Variants in TDRD9 observed in about 807,000 individuals in gnomAD.
The protein encoded by TDRD9 is ATP-dependent RNA helicase TDRD9.
Under a neutral mutation model 172.6 loss-of-function variants are expected in TDRD9, and 124 were observed. The ratio of observed to expected loss-of-function variants is 0.72; its 90% CI spans 0.62 to 0.83. The LOEUF (loss-of-function observed/expected upper bound fraction) is 0.83. Ranked by LOEUF, TDRD9 falls within the 40% of genes least tolerant of loss-of-function variation. TDRD9 has a pLI of 0.00. For missense variants in TDRD9, 1,479 were observed against 1,714.1 expected, an observed-to-expected ratio of 0.86 and a Z score of 2.42; for synonymous variants, 619 against 617.1, an observed-to-expected ratio of 1.00 and a Z score of -0.05.
intron 24 of TDRD9, among the ~76,000 whole-genome samples, chr14:104,023,103 A>T (rs775178713): frequency 6.7e-6 from 1 of 148,778 alleles, no homozygotes; most frequent in Non-Finnish European, 1.5e-5. Context: ...AATCAATTAA[A>T]CCCAGGAGGC....
intron 24 of TDRD9, among the ~76,000 whole-genome samples, chr14:104,023,571 C>T (rs945853817): frequency 4.6e-5 from 7 of 152,252 alleles, no homozygotes; most frequent in African/African-American, 9.6e-5. Context: ...CTGTCATAAC[C>T]CTGGTGGATC....
At chr14:103,947,154 C>T (rs1235720445) in intron 1 of TDRD9, among the ~76,000 whole-genome samples, 1 of 152,108 alleles carries the variant, frequency 6.6e-6, no homozygotes, top group Non-Finnish European at 1.5e-5. Context: ...AAGCTACAAT[C>T]ATCAAAACAG....
intron 14 of TDRD9, among the ~76,000 whole-genome samples, chr14:104,004,662 A>G (rs1409219186): frequency 6.6e-6 from 1 of 152,094 alleles, no homozygotes; most frequent in Non-Finnish European, 1.5e-5. Flanking sequence ...AATTTTTTGT[A>G]GATAGTTTTG....
chr14:103,970,219 G>A (rs1029416923), intron 5 of TDRD9, among the ~76,000 whole-genome samples: 6 of 152,202 alleles, frequency 3.9e-5, no homozygotes, highest in African/African-American at 4.8e-5. Context: ...TGAGGTAGGT[G>A]GAGAGGTTTC....
rs188573341 is a variant in TDRD9 at position 103,991,706 on chromosome 14, C to T, written c.1180+482C>T. ...AATTACAGATGTGAGCCACTGTGCCCGGCCAACCCTTGTATTTCTAAAAAA... is the reference window on the plus strand; with the variant it reads ...AATTACAGATGTGAGCCACTGTGCCTGGCCAACCCTTGTATTTCTAAAAAA... On this transcript the variant is annotated intron_variant, in intron 9 of 35. Transcript: ENST00000409874. Among the ~76,000 whole-genome samples, 8 of 152,078 alleles carry T rather than the reference C, an allele frequency of 5.3e-5. No homozygotes were observed. In the East Asian group the frequency reaches 7.7e-4, roughly 15 times the overall value.
At chr14:103,952,552 A>G (rs1202558232) in intron 1 of TDRD9, among the ~76,000 whole-genome samples, 2 of 151,008 alleles carry the variant, frequency 1.3e-5, no homozygotes, top group Non-Finnish European at 2.9e-5. Context: ...TATGTTATAT[A>G]TATTTGCCAC....
At chr14:104,043,320 C>A (rs1420285529) in intron 34 of TDRD9, among the ~76,000 whole-genome samples, 1 of 151,768 alleles carries the variant, frequency 6.6e-6, no homozygotes, top group Non-Finnish European at 1.5e-5. Context: ...CAGCTCACTG[C>A]AACCTCCACC....
At chr14:103,930,465 C>T (rs145891460) in intron 1 of TDRD9, among the ~76,000 whole-genome samples, 10 of 152,240 alleles carry the variant, frequency 6.6e-5, no homozygotes, top group African/African-American at 1.7e-4. Context: ...TGTGAGTCAC[C>T]GTGCCTGGCT....
Position 104,007,188 on chromosome 14 carries a change from A to T in TDRD9, c.2036A>T (p.Glu679Val). 1 of 1,613,864 alleles carries T rather than the reference A, an allele frequency of 6.2e-7. No homozygotes were observed. Among genetic ancestry groups the T allele is most frequent in the East Asian group, 2.2e-5 (1 of 44,872 alleles). The change falls in exon 19 of 36, where the codon GAG (glutamate) becomes GTG (valine). Residue 679 changes from glutamate to valine, a missense_variant. By Grantham distance (121) the Glu-to-Val change is moderately radical (BLOSUM62 -2). This residue lies in a region of TDRD9 where 1,413 missense variants were observed against 1,649.1 expected (regional missense o/e 0.86). Transcript: ENST00000409874. Reference protein sequence around the residue: ...KTWKACRQTGELRYPKDELNW... With the variant: ...KTWKACRQTGVLRYPKDELNW... Reference sequence around the variant, plus strand: ...TGGAAGGCTTGCAGACAGACAGGGGAGCTGCGGTACCCGAAGGTTGGTGAG... The same window carrying T: ...TGGAAGGCTTGCAGACAGACAGGGGTGCTGCGGTACCCGAAGGTTGGTGAG...
rs1416128554 is a variant in TDRD9, at chr14:103,952,153, C to T, written c.216-3511C>T. Among the ~76,000 whole-genome samples, 7 of 96,138 alleles carry T rather than the reference C, an allele frequency of 7.3e-5. 1 individual carries two copies. The highest frequency in any genetic ancestry group is 3.6e-4 in the Admixed American group (3 of 8,246). 63.1% of individuals were successfully genotyped at this position (96,138 alleles called of 152,430 possible). On this transcript the variant is annotated intron_variant, in intron 1 of 35. Coordinates refer to ENST00000409874, the MANE Select transcript of TDRD9 (RefSeq NM_153046.3). ...ACACGTATATATATATATGTATATA[C>T]GTGTATATATGTGTATATATGTGTG...
intron 5 of TDRD9, among the ~76,000 whole-genome samples, chr14:103,967,533 A>G (rs1566746159): frequency 1.3e-5 from 2 of 151,992 alleles, no homozygotes; most frequent in Non-Finnish European, 2.9e-5. Flanking sequence ...GGAAAACAAC[A>G]ATAACAACCA....
In TDRD9 at chr14:104,007,259, A is replaced by C; in HGVS notation, c.2052+55A>C. The C allele has an allele frequency of 1.9e-6, 3 of 1,547,998 alleles. No homozygotes were observed. The South Asian group carries it at 3.4e-5, about 18-fold the overall frequency. On this transcript the variant is annotated intron_variant, in intron 19 of 35. Transcript: ENST00000409874. ...GATGGCTGGGAGTAATGAGAGAAGG[A>C]CTCTGTCTTGGTACAGTCATAGCGT...
At chr14:103,964,823 C>T (rs957610791) in intron 3 of TDRD9, among the ~76,000 whole-genome samples, 1 of 152,112 alleles carries the variant, frequency 6.6e-6, no homozygotes, top group Non-Finnish European at 1.5e-5. Context: ...TGTGCCCAGC[C>T]ACTAATTACT....
intron 6 of TDRD9, among the ~76,000 whole-genome samples, chr14:103,971,715 G>A (rs571907517): frequency 7.0e-4 from 107 of 152,290 alleles, no homozygotes; most frequent in Non-Finnish European, 1.4e-3. Flanking sequence ...ATTCTTTTAT[G>A]AACAGAGTAC....
At chr14:103,969,740 TTTCC>T in intron 5 of TDRD9, among the ~76,000 whole-genome samples, 1 of 151,918 alleles carries the variant, frequency 6.6e-6, no homozygotes, top group Admixed American at 6.6e-5. Flanking sequence ...TACATTGATG[TTTCC>T]TAAGTTCTAG....
At chr14:104,046,476 T>C (rs977498132) in intron 34 of TDRD9, among the ~76,000 whole-genome samples, 6 of 152,208 alleles carry the variant, frequency 3.9e-5, no homozygotes, top group Non-Finnish European at 8.8e-5. Context: ...ACTGAAAAGC[T>C]ATACTTTTAC....
intron 12 of TDRD9, among the ~76,000 whole-genome samples, chr14:103,996,822 T>C (rs1448357856): frequency 2.0e-5 from 3 of 151,526 alleles, no homozygotes; most frequent in Non-Finnish European, 2.9e-5. Context: ...GGGTAGGGAG[T>C]GTCAGGGAAG....
At position 103,941,654 on chromosome 14, in the gene TDRD9, G is replaced by A. The variant is rs1410332499; in HGVS notation, c.215+12930G>A. The A allele has an allele frequency of 2.0e-6, 3 of 1,531,638 alleles. No individual in the cohort carries two copies. The South Asian group carries it at 3.6e-5, about 18-fold the overall frequency. The allele number at this position is 1,531,638 out of a possible 1,614,324, so 94.9% of individuals were successfully genotyped here. Reference sequence around the variant, plus strand: ...AGCCAGGATAGTGTGTGGGTTTGTAGGAATCGTTTTTGGGCCATTTCATCC... The same window carrying A: ...AGCCAGGATAGTGTGTGGGTTTGTAAGAATCGTTTTTGGGCCATTTCATCC... On this transcript the variant is annotated intron_variant, in intron 1 of 35. Coordinates refer to ENST00000409874, the MANE Select transcript of TDRD9 (RefSeq NM_153046.3).
intron 8 of TDRD9, among the ~76,000 whole-genome samples, chr14:103,988,730 G>A (rs1188620715): frequency 7.0e-6 from 1 of 142,506 alleles, no homozygotes; most frequent in Admixed American, 7.4e-5. Flanking sequence ...GTCTCACTGT[G>A]TTGAGCAGGC....
Sources: gnomAD v4.1 joint callset for allele counts (sites outside exome capture counted in the v4.1 genomes callset) on GRCh38, gnomAD v4.1.1 for gene constraint, gnomAD v4.1.1 regional missense constraint, MANE v1.5 for transcripts, NCBI Gene and HGNC (gene_info 2026-07-23, HGNC 2026-07-21) for gene names.